The following ARHGAP12 variants were observed in gnomAD, a reference collection of about 807,000 sequenced individuals.
ARHGAP12 encodes Rho GTPase activating protein 12.
A neutral mutation model predicts 108.6 loss-of-function variants in ARHGAP12; 64 were observed. That is an observed-to-expected ratio of 0.59 (90% CI 0.48 to 0.73). ARHGAP12 has a LOEUF of 0.73. ARHGAP12 is among the 30% of genes least tolerant of loss of function. ARHGAP12 has a pLI of 0.00. For synonymous variants in ARHGAP12, 312 were observed against 337.2 expected, an observed-to-expected ratio of 0.93 and a Z score of 0.82; for missense variants, 940 against 1,005.9, an observed-to-expected ratio of 0.93 and a Z score of 0.89.
intron 3 of ARHGAP12, among the ~76,000 whole-genome samples, chr10:31,875,781 T>C (rs767812702): frequency 6.6e-6 from 1 of 152,158 alleles, no homozygotes; most frequent in African/African-American, 2.4e-5. Flanking sequence ...CCACCATCCA[T>C]CTCCAGAACT....
Position 31,844,684 on chromosome 10 carries a change from C to T in ARHGAP12, c.1171-1098G>A, listed in dbSNP as rs149251274. 1.1e-4 allele frequency among the ~76,000 whole-genome samples: 17 copies of T among 149,808 alleles called. No individual in the cohort carries two copies. In the East Asian group the frequency reaches 3.4e-3, roughly 30 times the overall value. ...GAGTAGCTGGGACTACAAGTACATG[C>T]CAGCACACTTGGCTTTTTTTTTTTT... On this transcript the variant is annotated intron_variant, in intron 6 of 19. Transcript: ENST00000344936.
At chr10:31,841,815 G>A (rs562620003) in intron 7 of ARHGAP12, among the ~76,000 whole-genome samples, 3 of 152,178 alleles carry the variant, frequency 2.0e-5, no homozygotes, top group African/African-American at 7.2e-5. Flanking sequence ...TACAATTCAG[G>A]TTATACACAC....
intron 9 of ARHGAP12, among the ~76,000 whole-genome samples, chr10:31,836,034 T>G (rs1194003377): frequency 6.6e-6 from 1 of 152,186 alleles, no homozygotes; most frequent in African/African-American, 2.4e-5. Context: ...AAAATAAAAT[T>G]TTTAAAGAGT....
At chr10:31,873,057 T>C (rs1318771320) in intron 3 of ARHGAP12, among the ~76,000 whole-genome samples, 2 of 152,186 alleles carry the variant, frequency 1.3e-5, no homozygotes, top group Admixed American at 1.3e-4. Flanking sequence ...AGAGCATCAG[T>C]ATCTAACAGA....
chr10:31,811,670 ATTTTAT>A (rs1835026194), intron 15 of ARHGAP12, among the ~76,000 whole-genome samples: 2 of 149,426 alleles, frequency 1.3e-5, no homozygotes, highest in Non-Finnish European at 3.0e-5. Flanking sequence ...TACCTTTTTT[ATTTTAT>A]TTTATTTTTT....
intron 1 of ARHGAP12, chr10:31,913,037 TGTGTC>T (rs1839415696): frequency 6.6e-6 from 1 of 152,356 alleles, no homozygotes; most frequent in Non-Finnish European, 1.5e-5. Context: ...TATAATGCCA[TGTGTC>T]GGCCGTACAC....
chr10:31,849,456 G>A (rs1836588683), intron 6 of ARHGAP12, among the ~76,000 whole-genome samples: 1 of 152,172 alleles, frequency 6.6e-6, no homozygotes, highest in Admixed American at 6.5e-5. Context: ...CACCAAAGAT[G>A]TGTTCAGAAA....
intron 9 of ARHGAP12, 90 bp downstream of exon 9, chr10:31,839,215 T>C: frequency 7.4e-7 from 1 of 1,343,990 alleles, no homozygotes; most frequent in Non-Finnish European, 1.0e-6. Flanking sequence ...TTATTTCCAA[T>C]ATTCATCTGG....
intron 3 of ARHGAP12, among the ~76,000 whole-genome samples, chr10:31,892,737 T>A (rs1307331611): frequency 2.0e-5 from 3 of 152,168 alleles, no homozygotes; most frequent in African/African-American, 7.2e-5. Flanking sequence ...TGAACTCAGC[T>A]CTGCACCAAG....
At chr10:31,811,045 A>T (rs1366917172) in intron 15 of ARHGAP12, among the ~76,000 whole-genome samples, 1 of 152,184 alleles carries the variant, frequency 6.6e-6, no homozygotes, top group Non-Finnish European at 1.5e-5. Flanking sequence ...TCTCAGCTAA[A>T]ATGTCACCTA....
chr10:31,820,996 T>C (rs1008326092), intron 11 of ARHGAP12, among the ~76,000 whole-genome samples: 14 of 152,274 alleles, frequency 9.2e-5, no homozygotes, highest in African/African-American at 3.1e-4. Context: ...AAGGCAATAC[T>C]CTTATATATG....
chr10:31,875,138 GAAGGAGTTCATCTATTTTTGA>G (rs1175668861), intron 3 of ARHGAP12, among the ~76,000 whole-genome samples: 2 of 151,894 alleles, frequency 1.3e-5, no homozygotes, highest in African/African-American at 4.8e-5. Flanking sequence ...ATTTATTCTA[GAAGGAGTTCATCTATTTTTGA>G]AATGAGATTA....
intron 9 of ARHGAP12, among the ~76,000 whole-genome samples, chr10:31,836,198 A>G (rs1836008891): frequency 6.6e-6 from 1 of 152,202 alleles, no homozygotes; most frequent in African/African-American, 2.4e-5. Flanking sequence ...GCATATTAAT[A>G]CCATAAGTGG....
chr10:31,828,322 T>G (rs968943216), intron 10 of ARHGAP12, among the ~76,000 whole-genome samples: 2 of 152,140 alleles, frequency 1.3e-5, no homozygotes, highest in African/African-American at 4.8e-5. Context: ...ACCTTTTTCT[T>G]TCAATAGATG....
chr10:31,912,584 A>G (rs550762151), intron 1 of ARHGAP12, among the ~76,000 whole-genome samples: 18 of 152,342 alleles, frequency 1.2e-4, no homozygotes, highest in African/African-American at 4.1e-4. Context: ...CTAGAGTTTT[A>G]GTTAAAGGCA....
intron 1 of ARHGAP12, among the ~76,000 whole-genome samples, chr10:31,918,356 CA>C (rs1186719542): frequency 1.4e-5 from 2 of 141,310 alleles, no homozygotes; most frequent in South Asian, 2.2e-4. Context: ...CACACACACA[CA>C]CACCAATGAG....
At chr10:31,848,943 C>T (rs1035598238) in intron 6 of ARHGAP12, among the ~76,000 whole-genome samples, 1 of 152,016 alleles carries the variant, frequency 6.6e-6, no homozygotes, top group Non-Finnish European at 1.5e-5. Flanking sequence ...TGCTGGTGCA[C>T]GCCTATAATC....
intron 3 of ARHGAP12, among the ~76,000 whole-genome samples, chr10:31,888,580 G>C (rs758431791): frequency 8.5e-5 from 13 of 152,150 alleles, no homozygotes; most frequent in Non-Finnish European, 1.3e-4. Flanking sequence ...CAAGGCCCTA[G>C]AGTTCCAATC....
chr10:31,924,204 AT>A (rs1181156660), intron 1 of ARHGAP12, among the ~76,000 whole-genome samples: 2 of 152,236 alleles, frequency 1.3e-5, no homozygotes, highest in Non-Finnish European at 2.9e-5. Flanking sequence ...TCTTCTAGGT[AT>A]TTACCCAAGA....
Sources: gnomAD v4.1 joint callset for allele counts (sites outside exome capture counted in the v4.1 genomes callset) on GRCh38, gnomAD v4.1.1 for gene constraint, MANE v1.5 for transcripts, NCBI Gene and HGNC (gene_info 2026-07-23, HGNC 2026-07-21) for gene names.